CDK19: variants seen among roughly 807,000 people sequenced by gnomAD.
The protein encoded by CDK19 is cyclin-dependent kinase 19.
In CDK19, 20 loss-of-function variants were observed where a neutral mutation model predicts 68.3. The observed-to-expected ratio is 0.29, with a 90% CI of 0.21 to 0.43. The LOEUF is 0.43. Among genes scored for constraint, CDK19 ranks in the 20% least tolerant of loss-of-function variants. The probability of loss-of-function intolerance (pLI) is 1.00; values close to 1 mark genes in which losing one functional copy is unlikely to be tolerated. For synonymous variants in CDK19, 221 were observed against 222.8 expected, an observed-to-expected ratio of 0.99 and a Z score of 0.07; for missense variants, 339 against 623.5, an observed-to-expected ratio of 0.54 and a Z score of 4.86.
chr6:110,620,457 GA>G (rs924254727), intron 12 of CDK19, among the ~76,000 whole-genome samples: 4 of 151,704 alleles, frequency 2.6e-5, no homozygotes, highest in East Asian at 1.9e-4. Flanking sequence ...TTACTACCTT[GA>G]AAAAAAATTT....
rs758750381 is a variant in CDK19, at chr6:110,621,098, G to A, written c.1377+6C>T. 6.2e-6 allele frequency: 10 copies of A among 1,609,154 alleles called. No homozygotes were observed. The highest frequency in any genetic ancestry group is 2.2e-5 in the East Asian group (1 of 44,872). Reference sequence around the variant, plus strand: ...AGCATATGAACATTAGACATTCAGGGAGTACCTGATAATCCGAGGGCATCA... The same window carrying A: ...AGCATATGAACATTAGACATTCAGGAAGTACCTGATAATCCGAGGGCATCA... On this transcript the variant is annotated splice_donor_region_variant and intron_variant, in intron 12 of 12. Coordinates refer to ENST00000368911, the MANE Select transcript of CDK19 (RefSeq NM_015076.5). The surrounding 1 kb of genome is among the most constrained non-coding windows in gnomAD (Gnocchi z 5.4).
At chr6:110,719,181 A>C (rs1487766718) in intron 2 of CDK19, among the ~76,000 whole-genome samples, 4 of 152,010 alleles carry the variant, frequency 2.6e-5, no homozygotes, top group Non-Finnish European at 5.9e-5. Context: ...AAAACACCAC[A>C]AGATAGCAGA....
At chr6:110,698,986 C>T (rs548050919) in intron 2 of CDK19, among the ~76,000 whole-genome samples, 2 of 145,328 alleles carry the variant, frequency 1.4e-5, no homozygotes, top group African/African-American at 5.2e-5. Flanking sequence ...CCCAGGAGGT[C>T]GAGGCTGCAG....
chr6:110,815,311 G>A lies in CDK19; in HGVS notation c.-175C>T. On this transcript the variant is annotated 5_prime_UTR_variant, in exon 1 of 13. Coordinates refer to ENST00000368911, the MANE Select transcript of CDK19 (RefSeq NM_015076.5). ...GCCTTCAGCAAGGGACTCCTCGGCG[G>A]CCACAGCAGCCACCTCCTCCACCTC... The A allele has an allele frequency of 5.1e-6, 3 of 585,202 alleles. No homozygotes were observed. The highest frequency in any genetic ancestry group is 4.1e-5 in the South Asian group (1 of 24,236). The allele number at this position is 585,202 out of a possible 1,614,324, so 36.3% of individuals were successfully genotyped here.
chr6:110,634,485 T>C (rs567383477), intron 5 of CDK19, among the ~76,000 whole-genome samples: 1 of 152,340 alleles, frequency 6.6e-6, no homozygotes, highest in South Asian at 2.1e-4. Flanking sequence ...CCCAAAGGGC[T>C]GGGATTACAG....
At chr6:110,720,946 C>G (rs900015665) in intron 2 of CDK19, among the ~76,000 whole-genome samples, 16 of 151,862 alleles carry the variant, frequency 1.1e-4, no homozygotes, top group African/African-American at 3.9e-4. Context: ...CCTGTAAAAC[C>G]TTGATTTGGG....
chr6:110,656,623 C>A (rs1781322125), intron 4 of CDK19, among the ~76,000 whole-genome samples: 1 of 152,196 alleles, frequency 6.6e-6, no homozygotes. Context: ...TAATATAACA[C>A]CTATGTTAAT....
At chr6:110,805,480 A>C (rs1216296311) in intron 1 of CDK19, among the ~76,000 whole-genome samples, 1 of 152,048 alleles carries the variant, frequency 6.6e-6, no homozygotes, top group African/African-American at 2.4e-5. Context: ...TAATTTTTCA[A>C]AACAAATAGA....
chr6:110,675,540 T>A (rs1317229084), intron 2 of CDK19, among the ~76,000 whole-genome samples: 1 of 144,568 alleles, frequency 6.9e-6, no homozygotes, highest in East Asian at 2.1e-4. Flanking sequence ...GGCAGGAGAA[T>A]CACTTGAACC....
chr6:110,773,020 A>C (rs1409377810), intron 1 of CDK19, among the ~76,000 whole-genome samples: 1 of 151,372 alleles, frequency 6.6e-6, no homozygotes, highest in Non-Finnish European at 1.5e-5. Context: ...GCTCAAGGCC[A>C]GCCTGGGCAA....
intron 2 of CDK19, among the ~76,000 whole-genome samples, chr6:110,713,983 T>C (rs1036818246): frequency 6.6e-6 from 1 of 152,252 alleles, no homozygotes; most frequent in Non-Finnish European, 1.5e-5. Flanking sequence ...TGGAATTCAG[T>C]GACTTCCAGT....
intron 2 of CDK19, among the ~76,000 whole-genome samples, chr6:110,737,987 C>A (rs1399652576): frequency 1.3e-5 from 2 of 151,954 alleles, no homozygotes; most frequent in African/African-American, 2.4e-5. Flanking sequence ...TAACACCATA[C>A]CAAATTTTAA....
At chr6:110,738,120 T>G (rs905519421) in intron 2 of CDK19, among the ~76,000 whole-genome samples, 1 of 152,176 alleles carries the variant, frequency 6.6e-6, no homozygotes, top group Non-Finnish European at 1.5e-5. Flanking sequence ...ACAGAAAAGG[T>G]AAAATACTTG....
chr6:110,814,887 C>A (rs970102140), intron 1 of CDK19, 122 bp downstream of exon 1: 1 of 1,361,914 alleles, frequency 7.3e-7, no homozygotes, highest in Non-Finnish European at 1.0e-6. Context: ...GGACGCAACC[C>A]CGCGACCCCC....
intron 6 of CDK19, among the ~76,000 whole-genome samples, chr6:110,627,366 A>G (rs1779157689): frequency 6.6e-6 from 1 of 152,170 alleles, no homozygotes; most frequent in South Asian, 2.1e-4. Context: ...ATATATATAT[A>G]CATGACATGA....
chr6:110,811,064 A>G (rs1010597583), intron 1 of CDK19, among the ~76,000 whole-genome samples: 8 of 152,198 alleles, frequency 5.3e-5, no homozygotes, highest in Admixed American at 4.6e-4. Context: ...CACTATGAGC[A>G]TGACAGTTAA....
Position 110,610,471 on chromosome 6 carries a change from C to T in CDK19, c.*4064G>A, listed in dbSNP as rs1372693025. 1 of 150,730 alleles carries T rather than the reference C, an allele frequency of 6.6e-6. No individual in the cohort carries two copies. The highest frequency in any genetic ancestry group is 6.6e-5 in the Admixed American group (1 of 15,150). The allele number at this position is 150,730 out of a possible 1,614,324, so 9.3% of individuals were successfully genotyped here. On this transcript the variant is annotated 3_prime_UTR_variant, in exon 13 of 13. Coordinates refer to ENST00000368911, the MANE Select transcript of CDK19 (RefSeq NM_015076.5). ...ACTAAATATTTAGGAGATAACAGTG[C>T]ATTAAGGGTTTTTTTTTTTATATAA...
At chr6:110,794,321 A>G (rs1781788302) in intron 1 of CDK19, among the ~76,000 whole-genome samples, 1 of 151,550 alleles carries the variant, frequency 6.6e-6, no homozygotes, top group Admixed American at 6.6e-5. Context: ...TGCTAGGATT[A>G]CCTGTGAGCG....
intron 1 of CDK19, among the ~76,000 whole-genome samples, chr6:110,785,941 T>C (rs1781188009): frequency 1.3e-5 from 2 of 151,256 alleles, no homozygotes; most frequent in African/African-American, 4.9e-5. Context: ...GATGAAGCCA[T>C]TGCACCCCAC....
Sources: allele counts gnomAD v4.1 joint callset (sites outside exome capture counted in the v4.1 genomes callset), GRCh38; gene constraint gnomAD v4.1.1; non-coding constraint Gnocchi (gnomAD v3.1); transcripts MANE v1.5; gene names NCBI Gene and HGNC (gene_info 2026-07-23, HGNC 2026-07-21).